Variants in ZNF592 observed in about 807,000 individuals in gnomAD.
ZNF592 encodes the protein zinc finger protein 592, also known as spinocerebellar ataxia, autosomal recessive 5.
ZNF592 carries 11 observed loss-of-function variants against 80.3 expected under a neutral mutation model. The observed-to-expected ratio is 0.14, with a 90% CI of 0.09 to 0.23. ZNF592 has a LOEUF of 0.23. Among genes scored for constraint, ZNF592 ranks in the 10% least tolerant of loss-of-function variants. ZNF592 has a pLI of 1.00. For missense variants in ZNF592, 1,420 were observed against 1,633.9 expected (o/e 0.87, Z 2.26); for synonymous variants, 646 against 640.3 (o/e 1.01, Z -0.13).
rs1963032849 is a variant in ZNF592, at chr15:84,799,559, C to CT, written c.3138-280dup. 6.6e-6 allele frequency among the ~76,000 whole-genome samples: 1 copy of CT among 152,216 alleles called. No homozygotes were observed. Among genetic ancestry groups the CT allele is most frequent in the Admixed American group, 6.5e-5 (1 of 15,284 alleles). ...CTGTGCCTTGGGGTGGCCCCAGGCC[C>CT]TTTCACTGTGACTACTAGCCTAGCA... On this transcript the variant is annotated intron_variant, in intron 9 of 10. Transcript: ENST00000560079. The surrounding 1 kb of genome is among the most constrained non-coding windows in gnomAD (Gnocchi z 4.2).
intron 5 of ZNF592, among the ~76,000 whole-genome samples, chr15:84,795,661 T>C (rs1443897806): frequency 6.6e-6 from 1 of 152,236 alleles, no homozygotes; most frequent in Admixed American, 6.5e-5. Context: ...CATAATACTT[T>C]GTAGTGTGGA....
In ZNF592 at chr15:84,797,991, G is replaced by C; in HGVS notation, c.2522G>C (p.Ser841Thr). ...CCCATGGCCTTCAAGACTGCCAGCA[G>C]CACTGCAGACCACAGTGCCACCCAG... ...FCPMAFKTASSTADHSATQHP... is the reference protein window; with the variant it reads ...FCPMAFKTASTTADHSATQHP... The change falls in exon 6 of 11, where the codon AGC (serine) becomes ACC (threonine). Residue 841 changes from serine (S) to threonine (T), a missense_variant. Ser to Thr is a moderately conservative substitution (Grantham distance 58). Around this residue, in one of 7 missense-constraint regions of ZNF592, gnomAD observed 331 missense variants for 347.0 expected, o/e 0.95. Coordinates refer to ENST00000560079, the MANE Select transcript of ZNF592 (RefSeq NM_014630.3). 6.2e-7 allele frequency: 1 copy of C among 1,614,184 alleles called. No homozygotes were observed.
chr15:84,765,546 T>TTTG (rs1555429237), intron 2 of ZNF592, among the ~76,000 whole-genome samples: 1 of 142,608 alleles, frequency 7.0e-6, no homozygotes, highest in East Asian at 2.0e-4. Flanking sequence ...TTTTTTTTTT[T>TTTG]TTTTTTTTTT....
Position 84,784,214 on chromosome 15 carries a change from C to G in ZNF592, c.1539C>G (p.His513Gln). The G allele has an allele frequency of 1.9e-6, 3 of 1,614,242 alleles. No homozygotes were observed. Among genetic ancestry groups the G allele is most frequent in the Non-Finnish European group, 2.5e-6 (3 of 1,180,050 alleles). ...TGGCCAACCTGAACCTCGTCCCCCA[C>G]AGTGTTGCTGCATCAGTGACAGCCA... Reference protein sequence around the residue: ...VHLANLNLVPHSVAASVTAKS... With the variant: ...VHLANLNLVPQSVAASVTAKS... Residue 513 changes from histidine (H) to glutamine (Q), a missense_variant, in exon 4 of 11, where the codon CAC becomes CAG. Coordinates refer to ENST00000560079, the MANE Select transcript of ZNF592 (RefSeq NM_014630.3). This position sits in a 1 kb window ranked among gnomAD's most constrained non-coding sequence, Gnocchi z 5.8.
rs146072365 is a variant in ZNF592 at position 84,774,586 on chromosome 15, T to G, written c.-149-3597T>G. Among the ~76,000 whole-genome samples the G allele has an allele frequency of 9.1e-3, 1,393 of 152,296 alleles. 25 individuals are homozygous for G. The highest frequency in any genetic ancestry group is 0.032 in the African/African-American group (1,327 of 41,566). On this transcript the variant is annotated intron_variant, in intron 2 of 10. Transcript: ENST00000560079. ...TAAAAGCTCTGTTTATATTTCCCCATGAATGGGAATTACATGAAGACATAT... is the reference window on the plus strand; with the variant it reads ...TAAAAGCTCTGTTTATATTTCCCCAGGAATGGGAATTACATGAAGACATAT...
chr15:84,749,206 C>T (rs1427953877), intron 1 of ZNF592, among the ~76,000 whole-genome samples: 3 of 152,214 alleles, frequency 2.0e-5, no homozygotes, highest in Middle Eastern at 3.2e-3. Flanking sequence ...GACAGGTATT[C>T]CTAGAGCTCC....
chr15:84,758,849 C>T (rs915453395), intron 1 of ZNF592, among the ~76,000 whole-genome samples: 2 of 151,742 alleles, frequency 1.3e-5, no homozygotes, highest in African/African-American at 4.8e-5. Context: ...TCACCCAAGG[C>T]TGGGAAGTCT....
At chr15:84,758,964 G>C (rs774984670) in intron 1 of ZNF592, among the ~76,000 whole-genome samples, 1 of 152,000 alleles carries the variant, frequency 6.6e-6, no homozygotes, top group African/African-American at 2.4e-5. Context: ...GAACCTTTTT[G>C]CAACAGCATT....
intron 5 of ZNF592, among the ~76,000 whole-genome samples, chr15:84,791,337 T>C (rs959797182): frequency 1.3e-4 from 20 of 152,204 alleles, no homozygotes; most frequent in Admixed American, 9.2e-4. Flanking sequence ...TTGTTAATTT[T>C]TGTCAGTTTG....
chr15:84,748,760 C>A (rs976024029), intron 1 of ZNF592, 96 bp downstream of exon 1: 3 of 147,230 alleles, frequency 2.0e-5, no homozygotes, highest in African/African-American at 7.3e-5. Context: ...CGAGTCCGAG[C>A]CCGAGCCGGG....
intron 1 of ZNF592, chr15:84,753,389 C>T (rs891814470): frequency 6.6e-6 from 1 of 152,192 alleles, no homozygotes; most frequent in Non-Finnish European, 1.5e-5. Context: ...TCTTTATCTT[C>T]CCTACACATT....
Position 84,798,106 on chromosome 15 carries a change from T to C in ZNF592, c.2576+61T>C. 1.9e-6 allele frequency: 3 copies of C among 1,596,668 alleles called. No individual in the cohort carries two copies. The highest frequency in any genetic ancestry group is 2.6e-6 in the Non-Finnish European group (3 of 1,172,844). On this transcript the variant is annotated intron_variant, in intron 6 of 10. Coordinates refer to ENST00000560079, the MANE Select transcript of ZNF592 (RefSeq NM_014630.3). This position sits in a 1 kb window ranked among gnomAD's most constrained non-coding sequence, Gnocchi z 4.5. ...GCAGAGAGGAGTAGCCTGGGTGCTGTAGGGGGTGGCATAGGGATGGGTGAG... is the reference window on the plus strand; with the variant it reads ...GCAGAGAGGAGTAGCCTGGGTGCTGCAGGGGGTGGCATAGGGATGGGTGAG...
At chr15:84,795,995 G>A (rs546545021) in intron 5 of ZNF592, among the ~76,000 whole-genome samples, 2 of 151,974 alleles carry the variant, frequency 1.3e-5, no homozygotes, top group South Asian at 4.2e-4. Context: ...GCCGAGGTCA[G>A]TGGATCACCT....
At chr15:84,749,838 C>T (rs917457283) in intron 1 of ZNF592, among the ~76,000 whole-genome samples, 7 of 152,170 alleles carry the variant, frequency 4.6e-5, no homozygotes, top group Non-Finnish European at 8.8e-5. Context: ...GGTGCTAGTG[C>T]GTCCATTTTG....
chr15:84,777,546 C>G (rs1035068356), intron 2 of ZNF592, among the ~76,000 whole-genome samples: 3 of 151,304 alleles, frequency 2.0e-5, no homozygotes, highest in Admixed American at 2.0e-4. Flanking sequence ...CTCCTAGGCT[C>G]AAGCGGTCAT....
At chr15:84,756,641 T>C (rs918299969) in intron 1 of ZNF592, among the ~76,000 whole-genome samples, 5 of 152,214 alleles carry the variant, frequency 3.3e-5, no homozygotes, top group Non-Finnish European at 5.9e-5. Flanking sequence ...GCTGTTATCC[T>C]CCCCAGACTT....
At chr15:84,786,919 C>T (rs1962604908) in intron 4 of ZNF592, among the ~76,000 whole-genome samples, 1 of 140,902 alleles carries the variant, frequency 7.1e-6, no homozygotes, top group Non-Finnish European at 1.5e-5. Flanking sequence ...GGTGCGATCT[C>T]GGCCCACTGC....
chr15:84,787,115 G>A (rs1306530556), intron 4 of ZNF592, among the ~76,000 whole-genome samples: 2 of 152,110 alleles, frequency 1.3e-5, no homozygotes, highest in Non-Finnish European at 2.9e-5. Context: ...GCCTCCCAAA[G>A]TGCTGGGATT....
In ZNF592 at chr15:84,802,109, A is replaced by G. The variant is rs1200055308; in HGVS notation, c.3520A>G (p.Ile1174Val). The change falls in exon 11 of 11, where the codon ATT becomes GTT. Residue 1174 changes from isoleucine to valine, a missense_variant. Ile to Val is a conservative substitution (Grantham distance 29, BLOSUM62 3). This residue lies in a region of ZNF592 where 145 missense variants were observed against 211.9 expected (regional missense o/e 0.68). Coordinates refer to ENST00000560079, the MANE Select transcript of ZNF592 (RefSeq NM_014630.3). ...SASSLSRHLFIVHKVRDQEEE... is the reference protein window; with the variant it reads ...SASSLSRHLFVVHKVRDQEEE... ...CAGCTCCCTCAGCCGCCACCTCTTCATTGTCCACAAGGTGAGAGACCAGGA... is the reference window on the plus strand; with the variant it reads ...CAGCTCCCTCAGCCGCCACCTCTTCGTTGTCCACAAGGTGAGAGACCAGGA... 1.9e-6 allele frequency: 3 copies of G among 1,612,514 alleles called. No homozygotes were observed. Among genetic ancestry groups the G allele is most frequent in the Non-Finnish European group, 1.7e-6 (2 of 1,179,408 alleles).
Sources: allele counts gnomAD v4.1 joint callset (sites outside exome capture counted in the v4.1 genomes callset), GRCh38; gene constraint gnomAD v4.1.1; regional missense constraint gnomAD v4.1.1; non-coding constraint Gnocchi (gnomAD v3.1); transcripts MANE v1.5; gene names NCBI Gene and HGNC (gene_info 2026-07-23, HGNC 2026-07-21).